The following ASPH variants were observed in gnomAD, a reference collection of about 807,000 sequenced individuals.
ASPH encodes the protein aspartyl/asparaginyl beta-hydroxylase.
Under a neutral mutation model 118.4 loss-of-function variants are expected in ASPH, and 100 were observed. The ratio of observed to expected loss-of-function variants is 0.84; its 90% confidence interval spans 0.72 to 1.00. The LOEUF is 1.00. Among genes scored for constraint, ASPH ranks in the 50% least tolerant of loss-of-function variants. ASPH has a pLI of 0.00. For missense variants in ASPH, 920 were observed against 919.5 expected, an observed-to-expected ratio of 1.00 and a Z score of -0.01; for synonymous variants, 315 against 325.6, an observed-to-expected ratio of 0.97 and a Z score of 0.35.
At chr8:61,682,662 C>T (rs1383412860) in intron 2 of ASPH, among the ~76,000 whole-genome samples, 2 of 152,072 alleles carry the variant, frequency 1.3e-5, no homozygotes, top group Non-Finnish European at 2.9e-5. Context: ...GTCAATCTAT[C>T]CAGAGACACT....
At chr8:61,525,876 G>A (rs1364869672) in intron 22 of ASPH, 101 bp downstream of exon 22, 12 of 1,499,996 alleles carry the variant, frequency 8.0e-6, no homozygotes, top group Non-Finnish European at 1.1e-5. Context: ...GTTTAAGCCT[G>A]GGAATCCCAG....
At chr8:61,504,185 G>A (rs1251192494) in intron 24 of ASPH, among the ~76,000 whole-genome samples, 2 of 152,172 alleles carry the variant, frequency 1.3e-5, no homozygotes, top group Non-Finnish European at 2.9e-5. Flanking sequence ...TATAGTGTTA[G>A]TCTATTAAGA....
intron 18 of ASPH, among the ~76,000 whole-genome samples, chr8:61,556,326 T>C (rs1387194387): frequency 6.6e-6 from 1 of 152,182 alleles, no homozygotes; most frequent in Non-Finnish European, 1.5e-5. Flanking sequence ...ATCAGCAAAA[T>C]ATCTCTCAAT....
At chr8:61,574,220 A>C (rs1176673696) in intron 16 of ASPH, among the ~76,000 whole-genome samples, 2 of 152,240 alleles carry the variant, frequency 1.3e-5, no homozygotes, top group African/African-American at 4.8e-5. Context: ...GAAGATGTGG[A>C]AAAATAGGAA....
chr8:61,607,108 T>A lies in ASPH; in HGVS notation c.976+11870A>T. 5.5e-6 allele frequency: 3 copies of A among 543,584 alleles called. No individual in the cohort carries two copies. In the South Asian group the frequency reaches 7.2e-5, roughly 13 times the overall value. 33.7% of individuals were successfully genotyped at this position (543,584 alleles called of 1,614,324 possible). A position where few individuals can be genotyped will look rare whatever the true frequency, so the allele number is the denominator to read the frequency against. ...CTCTACCTCTTTACATTGTAGTTAC[T>A]TGCTTTGCTTTCAGAGCGCTCCACA... On this transcript the variant is annotated intron_variant, in intron 14 of 24. Coordinates refer to ENST00000379454, the MANE Select transcript of ASPH (RefSeq NM_004318.4).
In ASPH at chr8:61,501,200, A is replaced by AGAT. The variant is rs1378074880; in HGVS notation, c.*2156_*2158dup. 1 of 147,012 alleles carries AGAT rather than the reference A, an allele frequency of 6.8e-6. No homozygotes were observed. Among genetic ancestry groups the AGAT allele is most frequent in the East Asian group, 1.9e-4 (1 of 5,206 alleles). 9.1% of individuals were successfully genotyped at this position (147,012 alleles called of 1,614,324 possible). A position where few individuals can be genotyped will look rare whatever the true frequency, so the allele number is the denominator to read the frequency against. ...ACACTTTTCTTATGTACCAAGACAT[A>AGAT]GATAGGTAAGAGAAATAAAGAATTG... On this transcript the variant is annotated 3_prime_UTR_variant, in exon 25 of 25. Transcript: ENST00000379454.
intron 20 of ASPH, among the ~76,000 whole-genome samples, chr8:61,550,780 T>A (rs1266106602): frequency 6.6e-6 from 1 of 152,188 alleles, no homozygotes; most frequent in African/African-American, 2.4e-5. Context: ...AGAAACAACA[T>A]CCAGGTTCTC....
At chr8:61,665,105 T>C in intron 3 of ASPH, 10 of 1,419,390 alleles carry the variant, frequency 7.0e-6, no homozygotes, top group Non-Finnish European at 9.2e-6. Flanking sequence ...AAATTTCAGG[T>C]AATTTACTTG....
intron 1 of ASPH, among the ~76,000 whole-genome samples, chr8:61,687,991 G>A (rs1373606629): frequency 6.6e-6 from 1 of 152,072 alleles, no homozygotes; most frequent in East Asian, 1.9e-4. Context: ...TTTATCGACA[G>A]CAAACAATAT....
chr8:61,589,807 G>T (rs1285960812), intron 14 of ASPH, among the ~76,000 whole-genome samples: 2 of 152,172 alleles, frequency 1.3e-5, no homozygotes, highest in Admixed American at 6.5e-5. Flanking sequence ...TTCTTAAGGA[G>T]GTTATAGTCT....
In ASPH at chr8:61,503,054, CCTATT is replaced by C. The variant is rs1392282778; in HGVS notation, c.*300_*304del. 1.4e-4 allele frequency: 33 copies of C among 231,912 alleles called. No individual in the cohort carries two copies. The allele number at this position is 231,912 out of a possible 1,614,324, so 14.4% of individuals were successfully genotyped here. A position where few individuals can be genotyped will look rare whatever the true frequency, so the allele number is the denominator to read the frequency against. ...TGTTCTCATTATACATTGAATTAGA[CCTATT>C]CTATGTGGAAAAAATATCTTTGGCT... On this transcript the variant is annotated 3_prime_UTR_variant, in exon 25 of 25. Coordinates refer to ENST00000379454, the MANE Select transcript of ASPH (RefSeq NM_004318.4).
In ASPH at chr8:61,628,323, C is replaced by CTT. The variant is rs398008041; in HGVS notation, c.934+5358_934+5359dup. 2.0e-3 allele frequency: 402 copies of CTT among 196,610 alleles called. 4 individuals are homozygous for CTT. The highest frequency in any genetic ancestry group is 9.6e-3 in the African/African-American group (171 of 17,768). 12.2% of individuals were successfully genotyped at this position (196,610 alleles called of 1,614,324 possible). On this transcript the variant is annotated intron_variant, in intron 13 of 24. Coordinates refer to ENST00000379454, the MANE Select transcript of ASPH (RefSeq NM_004318.4). The stretch of plus-strand genomic sequence containing the variant: ...TACAGGCACGTGACACCAAGCCCGG[C>CTT]TTTTTTTTTTTTTTTTTTTTTTTTT...
intron 19 of ASPH, among the ~76,000 whole-genome samples, chr8:61,554,806 C>T (rs1160516151): frequency 6.6e-6 from 1 of 152,168 alleles, no homozygotes; most frequent in Admixed American, 6.5e-5. Flanking sequence ...AATGCATTCA[C>T]AGCTCAATGC....
At chr8:61,642,968 T>C (rs745580503) in intron 9 of ASPH, 48 bp from the exon 10 acceptor site, 3 of 1,481,412 alleles carry the variant, frequency 2.0e-6, no homozygotes, top group South Asian at 1.3e-5. Flanking sequence ...AACTGAGTCA[T>C]TCTATACAAT....
chr8:61,682,506 A>C lies in ASPH; in HGVS notation c.254-1470T>G, dbSNP rs376943824. On this transcript the variant is annotated intron_variant, in intron 2 of 24. Coordinates refer to ENST00000379454, the MANE Select transcript of ASPH (RefSeq NM_004318.4). ...TGGCTGCATGCATGTAAAAACATGA[A>C]AACTGTTATTTGTGCTTAAAGGTAC... 28 of 1,606,486 alleles carry C rather than the reference A, an allele frequency of 1.7e-5. No individual in the cohort carries two copies. The African/African-American group carries it at 3.3e-4, about 19-fold the overall frequency.
intron 19 of ASPH, among the ~76,000 whole-genome samples, chr8:61,555,419 A>C (rs1017136227): frequency 1.8e-4 from 28 of 151,974 alleles, no homozygotes; most frequent in Non-Finnish European, 2.9e-4. Context: ...TCAGCCTCCC[A>C]AGTAGCTGGG....
At chr8:61,666,481 T>G (rs1220359759) in intron 3 of ASPH, among the ~76,000 whole-genome samples, 2 of 152,176 alleles carry the variant, frequency 1.3e-5, no homozygotes, top group Non-Finnish European at 2.9e-5. Flanking sequence ...AATGCCACAT[T>G]TAAGCAGAAA....
chr8:61,644,477 T>C, intron 7 of ASPH, 123 bp downstream of exon 7: 1 of 671,412 alleles, frequency 1.5e-6, no homozygotes, highest in Non-Finnish European at 2.2e-6. Flanking sequence ...ATAAAATTAT[T>C]AATTGCATAT....
intron 3 of ASPH, chr8:61,661,927 C>A: frequency 2.2e-6 from 1 of 452,908 alleles, no homozygotes; most frequent in South Asian, 5.1e-5. Flanking sequence ...TGCAAATTAC[C>A]TATAAAATAA....
Sources: allele counts gnomAD v4.1 joint callset (sites outside exome capture counted in the v4.1 genomes callset), GRCh38; gene constraint gnomAD v4.1.1; transcripts MANE v1.5; gene names NCBI Gene and HGNC (gene_info 2026-07-23, HGNC 2026-07-21).